Variants in GFRA3 observed in about 807,000 individuals in gnomAD.
The protein encoded by GFRA3 is GDNF family receptor alpha-3.
A neutral mutation model predicts 40.0 loss-of-function variants in GFRA3; 24 were observed. That is an observed-to-expected ratio of 0.60 (90% CI 0.43 to 0.84). The LOEUF (loss-of-function observed/expected upper bound fraction) is 0.84, where lower values mean the gene tolerates loss of function less well. Among genes scored for constraint, GFRA3 ranks in the 40% least tolerant of loss-of-function variants. GFRA3 has a pLI of 0.00. For missense variants in GFRA3, 405 were observed against 530.6 expected (o/e 0.76, Z 2.33); for synonymous variants, 203 against 213.5 (o/e 0.95, Z 0.43).
intron 2 of GFRA3, among the ~76,000 whole-genome samples, chr5:138,263,063 C>A (rs1755734552): frequency 6.6e-6 from 1 of 152,126 alleles, no homozygotes; most frequent in African/African-American, 2.4e-5. Context: ...TTCCCGGGTT[C>A]AAGTGATTCT....
intron 2 of GFRA3, among the ~76,000 whole-genome samples, chr5:138,260,950 G>A (rs1177175550): frequency 2.6e-5 from 4 of 152,136 alleles, no homozygotes; most frequent in Non-Finnish European, 4.4e-5. Context: ...GAGCCCAGGA[G>A]GTTGAGGCTG....
At chr5:138,256,690 T>A (rs1414208101) in intron 4 of GFRA3, among the ~76,000 whole-genome samples, 1 of 152,160 alleles carries the variant, frequency 6.6e-6, no homozygotes, top group African/African-American at 2.4e-5. Context: ...GGCTCACACC[T>A]GTAATCCTAG....
intron 4 of GFRA3, among the ~76,000 whole-genome samples, chr5:138,256,260 G>A (rs1287376146): frequency 2.0e-5 from 3 of 149,078 alleles, no homozygotes; most frequent in Non-Finnish European, 4.4e-5. Flanking sequence ...TGGGCACGGT[G>A]GCTTATGCCT....
At chr5:138,256,673 G>T (rs1274332909) in intron 4 of GFRA3, among the ~76,000 whole-genome samples, 2 of 152,074 alleles carry the variant, frequency 1.3e-5, no homozygotes, top group African/African-American at 4.8e-5. Context: ...TCTTGGCTGG[G>T]TGTGGTGGCT....
chr5:138,267,599 C>T, intron 1 of GFRA3: 1 of 212,934 alleles, frequency 4.7e-6, no homozygotes, highest in Non-Finnish European at 1.0e-5. Flanking sequence ...AGACAAAGCA[C>T]ATCCGTCTTC....
chr5:138,272,009 CTT>C (rs558882177), intron 1 of GFRA3, among the ~76,000 whole-genome samples: 1 of 97,860 alleles, frequency 1.0e-5, no homozygotes, highest in Non-Finnish European at 2.0e-5. Context: ...TTTTCTTTTT[CTT>C]TTTTTTTTTT....
chr5:138,273,513 G>GGGT lies in GFRA3; in HGVS notation c.91+818_91+820dup, dbSNP rs577076570. ...CTGATGTTGGCAGGTGGACAGACCA[G>GGGT]GGTTTTTCCTCCTTCCTTCCATATC... is the stretch of plus-strand genomic sequence containing the variant. On this transcript the variant is annotated intron_variant, in intron 1 of 7. Coordinates refer to ENST00000274721, the MANE Select transcript of GFRA3 (RefSeq NM_001496.4). Among the ~76,000 whole-genome samples, 26 of 152,336 alleles carry GGGT rather than the reference G, an allele frequency of 1.7e-4. No individual in the cohort carries two copies. In the South Asian group the frequency reaches 3.3e-3, roughly 19 times the overall value.
intron 6 of GFRA3, among the ~76,000 whole-genome samples, 172 bp from the exon 7 acceptor site, chr5:138,253,547 C>T (rs532103406): frequency 2.0e-5 from 3 of 152,212 alleles, no homozygotes; most frequent in African/African-American, 7.2e-5. Flanking sequence ...TGGAGATGTC[C>T]CTGGGTTCCA....
chr5:138,270,959 C>T (rs1755859536), intron 1 of GFRA3, among the ~76,000 whole-genome samples: 2 of 152,116 alleles, frequency 1.3e-5, no homozygotes, highest in South Asian at 2.1e-4. Flanking sequence ...AGAAAAGTGG[C>T]AGATTCAAGT....
chr5:138,269,536 GAA>G (rs1209867001), intron 1 of GFRA3, among the ~76,000 whole-genome samples: 4 of 122,772 alleles, frequency 3.3e-5, no homozygotes, highest in African/African-American at 6.1e-5. Flanking sequence ...AACTCTGTCT[GAA>G]AAAAAAAAAA....
intron 6 of GFRA3, 103 bp downstream of exon 6, chr5:138,253,663 G>T: frequency 9.5e-7 from 1 of 1,053,560 alleles, no homozygotes; most frequent in East Asian, 2.5e-5. Flanking sequence ...TCTGTTTGGT[G>T]GAGATGGATG....
At chr5:138,267,084 C>T (rs1426480292) in intron 1 of GFRA3, 2 of 185,344 alleles carry the variant, frequency 1.1e-5, no homozygotes, top group Non-Finnish European at 2.3e-5. Flanking sequence ...CACTTCAGCA[C>T]CACATTCATC....
intron 3 of GFRA3, among the ~76,000 whole-genome samples, chr5:138,259,024 C>T (rs1485062745): frequency 6.6e-6 from 1 of 152,052 alleles, no homozygotes; most frequent in African/African-American, 2.4e-5. Context: ...GTATGTTTTT[C>T]CTCAATTAAC....
chr5:138,274,239 T>C, intron 1 of GFRA3, 95 bp downstream of exon 1: 1 of 1,295,014 alleles, frequency 7.7e-7, no homozygotes. Context: ...ACCGGGAGGC[T>C]GCTGCGCCCT....
chr5:138,261,026 A>C (rs936089717), intron 2 of GFRA3, among the ~76,000 whole-genome samples: 2 of 152,226 alleles, frequency 1.3e-5, no homozygotes, highest in Non-Finnish European at 2.9e-5. Flanking sequence ...ACTAAAAAAA[A>C]CAGCAAAAAT....
At chr5:138,258,150 T>C (rs182585146) in intron 3 of GFRA3, among the ~76,000 whole-genome samples, 199 bp from the exon 4 acceptor site, 66 of 132,080 alleles carry the variant, frequency 5.0e-4, no homozygotes, top group African/African-American at 1.9e-3. Context: ...TTTGAAGCCT[T>C]CCCCACCCTA....
intron 4 of GFRA3, 60 bp downstream of exon 4, chr5:138,257,579 G>C (rs1460158146): frequency 9.7e-6 from 14 of 1,448,058 alleles, no homozygotes; most frequent in Non-Finnish European, 1.3e-5. Context: ...ACAGGAACGT[G>C]GCCAGGAAGG....
Position 138,271,903 on chromosome 5 carries a change from T to TGTGTGTGTG in GFRA3, c.91+2430_91+2431insCACACACAC, listed in dbSNP as rs1452490281. The stretch of plus-strand genomic sequence containing the variant: ...GTATTTTCTTTTCTGTTTTTTTTTT[T>TGTGTGTGTG]TTTTTTTTTTTGTGTGTGTGTGTGT... On this transcript the variant is annotated intron_variant, in intron 1 of 7. Coordinates refer to ENST00000274721, the MANE Select transcript of GFRA3 (RefSeq NM_001496.4). Among the ~76,000 whole-genome samples, 138 of 94,978 alleles carry TGTGTGTGTG rather than the reference T, an allele frequency of 1.5e-3. 1 individual carries two copies. Among genetic ancestry groups the TGTGTGTGTG allele is most frequent in the South Asian group, 6.5e-3 (13 of 2,010 alleles). The allele number at this position is 94,978 out of a possible 152,430, so 62.3% of individuals were successfully genotyped here.
chr5:138,258,133 C>G (rs1755659890), intron 3 of GFRA3, among the ~76,000 whole-genome samples, 182 bp from the exon 4 acceptor site: 1 of 146,426 alleles, frequency 6.8e-6, no homozygotes, highest in Non-Finnish European at 1.5e-5. Context: ...CAAACTCTAC[C>G]TGCTGTTTTG....
Sources: allele counts gnomAD v4.1 joint callset (sites outside exome capture counted in the v4.1 genomes callset), GRCh38; gene constraint gnomAD v4.1.1; transcripts MANE v1.5; gene names NCBI Gene and HGNC (gene_info 2026-07-23, HGNC 2026-07-21).